Variants in CRCP observed in about 807,000 individuals in gnomAD.
The protein encoded by CRCP is DNA-directed RNA polymerase III subunit RPC9.
In CRCP, 18 loss-of-function variants were observed where a neutral mutation model predicts 18.5. The ratio of observed to expected loss-of-function variants is 0.97; its 90% CI spans 0.67 to 1.44. CRCP has a LOEUF of 1.44. Among genes scored for constraint, CRCP ranks in the 40% most tolerant of loss-of-function variants. The pLI is 0.00. For missense variants in CRCP, 130 were observed against 176.4 expected (o/e 0.74, Z 1.49); for synonymous variants, 53 against 62.9 (o/e 0.84, Z 0.75).
chr7:66,117,009 A>T (rs313823), intron 1 of CRCP, among the ~76,000 whole-genome samples: 116,334 of 151,490 alleles, frequency 0.77, 44,862 homozygotes, highest in African/African-American at 0.82. Flanking sequence ...TAATCCCAGT[A>T]ACTCAGGAGG....
chr7:66,120,170 C>T (rs540192244), intron 1 of CRCP, among the ~76,000 whole-genome samples: 7 of 150,082 alleles, frequency 4.7e-5, no homozygotes, highest in African/African-American at 7.4e-5. Context: ...GGCGATAGAG[C>T]GAGACCCCGT....
chr7:66,130,634 C>T (rs557598837), intron 2 of CRCP, 110 bp from the exon 3 acceptor site: 13 of 508,960 alleles, frequency 2.6e-5, no homozygotes, highest in South Asian at 8.5e-5. Context: ...GGGTGATGGG[C>T]GGGTGAAAGG....
chr7:66,130,097 CTTTTT>C, intron 2 of CRCP: 110 of 99,056 alleles, frequency 1.1e-3, no homozygotes, highest in Middle Eastern at 5.2e-3. Flanking sequence ...AAGCAGGATT[CTTTTT>C]TTTTTTTTTT....
intron 4 of CRCP, among the ~76,000 whole-genome samples, chr7:66,139,533 C>G (rs996677777): frequency 2.0e-5 from 3 of 152,172 alleles, no homozygotes; most frequent in African/African-American, 7.2e-5. Context: ...AGATTGTATC[C>G]TGGACATTTG....
At chr7:66,150,010 G>A (rs1788409652) in intron 5 of CRCP, among the ~76,000 whole-genome samples, 1 of 152,024 alleles carries the variant, frequency 6.6e-6, no homozygotes, top group Non-Finnish European at 1.5e-5. Flanking sequence ...GTTTCACTGT[G>A]TTAGCCAGGA....
intron 1 of CRCP, among the ~76,000 whole-genome samples, chr7:66,123,673 G>A (rs1317658248): frequency 1.3e-5 from 2 of 151,752 alleles, no homozygotes; most frequent in South Asian, 2.1e-4. Flanking sequence ...GCTTGAACTC[G>A]GGAAGTGGAG....
At chr7:66,130,348 C>T (rs190294819) in intron 2 of CRCP, 58 of 182,416 alleles carry the variant, frequency 3.2e-4, no homozygotes, top group African/African-American at 1.3e-3. Context: ...TCATGAACCG[C>T]CCACCTCACC....
rs1018737684 is a variant in CRCP, at chr7:66,122,274, C to T, written c.9-5430C>T. ...CCCGTAGTCCCAGCTACTTGGGAGG[C>T]TGAGGCAGGAGAATGGCATGAACCC... On this transcript the variant is annotated intron_variant, in intron 1 of 5. Transcript: ENST00000395326. Among the ~76,000 whole-genome samples the T allele has an allele frequency of 1.7e-4, 25 of 149,312 alleles. No individual in the cohort carries two copies. The Admixed American group carries it at 1.7e-3, about 10-fold the overall frequency.
chr7:66,150,354 G>GTCTCAAAAAAAAAA (rs1788419333), intron 5 of CRCP, among the ~76,000 whole-genome samples: 1 of 146,586 alleles, frequency 6.8e-6, no homozygotes, highest in African/African-American at 2.5e-5. Context: ...CAACAAGAGT[G>GTCTCAAAAAAAAAA]AAGGGGGGGA....
At chr7:66,130,070 A>G in intron 2 of CRCP, 1 of 250,556 alleles carries the variant, frequency 4.0e-6, no homozygotes, top group South Asian at 3.2e-5. Flanking sequence ...TTATTATATT[A>G]GATTTTTATA....
Position 66,127,517 on chromosome 7 carries a change from A to G in CRCP, c.9-187A>G, listed in dbSNP as rs534129836. On this transcript the variant is annotated intron_variant, in intron 1 of 5. Transcript: ENST00000395326. Reference sequence around the variant, plus strand: ...GGGACAGCACTTTGTTCCCAAGTCTACTCTGAAATTGCCCACAGCTAGCTA... The same window carrying G: ...GGGACAGCACTTTGTTCCCAAGTCTGCTCTGAAATTGCCCACAGCTAGCTA... 5.9e-5 allele frequency among the ~76,000 whole-genome samples: 9 copies of G among 152,234 alleles called. No individual in the cohort carries two copies. The South Asian group carries it at 1.2e-3, about 21-fold the overall frequency.
intron 5 of CRCP, chr7:66,150,821 T>C (rs1414097120): frequency 1.3e-5 from 2 of 152,106 alleles, no homozygotes; most frequent in Non-Finnish European, 2.9e-5. Flanking sequence ...TGTTTGTGAT[T>C]GATGGTTGAT....
intron 5 of CRCP, among the ~76,000 whole-genome samples, chr7:66,146,218 T>C (rs1200974623): frequency 2.0e-5 from 3 of 152,172 alleles, no homozygotes; most frequent in African/African-American, 7.2e-5. Flanking sequence ...ACCGTTTATT[T>C]AGTACAGCCT....
chr7:66,145,922 A>G (rs542589535), intron 5 of CRCP, among the ~76,000 whole-genome samples: 14 of 152,126 alleles, frequency 9.2e-5, no homozygotes, highest in Non-Finnish European at 1.6e-4. Context: ...GCGCTGTCCC[A>G]TCAGCTCCCT....
At chr7:66,123,178 TCTC>T (rs1399147651) in intron 1 of CRCP, among the ~76,000 whole-genome samples, 1 of 152,020 alleles carries the variant, frequency 6.6e-6, no homozygotes, top group African/African-American at 2.4e-5. Flanking sequence ...ATGGTCTTGA[TCTC>T]CTGATCTCGT....
intron 1 of CRCP, among the ~76,000 whole-genome samples, chr7:66,120,318 T>G (rs1025991792): frequency 6.6e-6 from 1 of 152,236 alleles, no homozygotes; most frequent in Non-Finnish European, 1.5e-5. Flanking sequence ...AGCATCCTAG[T>G]TGCTAGGCGT....
intron 1 of CRCP, 45 bp downstream of exon 1, chr7:66,115,015 G>C: frequency 6.3e-7 from 1 of 1,596,244 alleles, no homozygotes; most frequent in East Asian, 2.3e-5. Flanking sequence ...GGAGCCCAAC[G>C]GTTTGACCGC....
chr7:66,138,711 G>A (rs908118903), intron 4 of CRCP, among the ~76,000 whole-genome samples: 3 of 150,042 alleles, frequency 2.0e-5, no homozygotes, highest in African/African-American at 7.4e-5. Context: ...GGAGAATGGC[G>A]TGAACCCGGG....
rs34807364 is a variant in CRCP, at chr7:66,138,621, TAAAA to T, written c.239+4267_239+4270del. ...TAACACGGTGAAACCTCGTCTCTACTAAAAAAAAAAAAAAAAAAAAAAATCAGCT... is the reference window on the plus strand; with the variant it reads ...TAACACGGTGAAACCTCGTCTCTACTAAAAAAAAAAAAAAAAAAATCAGCT... On this transcript the variant is annotated intron_variant, in intron 4 of 5. Coordinates refer to ENST00000395326, the MANE Select transcript of CRCP (RefSeq NM_014478.5). 3.2e-5 allele frequency among the ~76,000 whole-genome samples: 3 copies of T among 93,398 alleles called. No homozygotes were observed. The South Asian group carries it at 1.2e-3, about 38-fold the overall frequency. The allele number at this position is 93,398 out of a possible 152,430, so 61.3% of individuals were successfully genotyped here. A position where few individuals can be genotyped will look rare whatever the true frequency, so the allele number is the denominator to read the frequency against.
Sources: gnomAD v4.1 joint callset for allele counts (sites outside exome capture counted in the v4.1 genomes callset) on GRCh38, gnomAD v4.1.1 for gene constraint, MANE v1.5 for transcripts, NCBI Gene and HGNC (gene_info 2026-07-23, HGNC 2026-07-21) for gene names.